The following ELK4 variants were observed in gnomAD, a reference collection of about 807,000 sequenced individuals.
The protein encoded by ELK4 is ETS domain-containing protein Elk-4.
A neutral mutation model predicts 29.6 loss-of-function variants in ELK4; 16 were observed. The ratio of observed to expected loss-of-function variants is 0.54; its 90% confidence interval spans 0.37 to 0.82. The LOEUF (loss-of-function observed/expected upper bound fraction) is 0.82, where lower values mean the gene tolerates loss of function less well. ELK4 is among the 40% of genes least tolerant of loss of function. ELK4 has a pLI of 0.00. For synonymous variants in ELK4, 213 were observed against 191.1 expected (o/e 1.11, Z -0.95); for missense variants, 465 against 507.1 (o/e 0.92, Z 0.80).
At chr1:205,631,202 G>C (rs113121169) in intron 1 of ELK4, among the ~76,000 whole-genome samples, 15 of 152,382 alleles carry the variant, frequency 9.8e-5, no homozygotes, top group African/African-American at 3.6e-4. Flanking sequence ...CGAGCTAGGG[G>C]AGAGGAAGAA....
chr1:205,619,433 G>A (rs1670289387), intron 3 of ELK4: 1 of 1,061,228 alleles, frequency 9.4e-7, no homozygotes, highest in Admixed American at 5.4e-5. Flanking sequence ...CCTGAATTCA[G>A]GTACAGAGGA....
In ELK4 at chr1:205,612,301, G is replaced by T; in HGVS notation, c.*4245C>A. The T allele has an allele frequency of 4.8e-6, 1 of 209,250 alleles. No homozygotes were observed. 13.0% of individuals were successfully genotyped at this position (209,250 alleles called of 1,614,324 possible). ...GGAGATTAGAATGAGAATATCCTGA[G>T]TCAGCAGTCTTTAGGAAAAGCGTGT... On this transcript the variant is annotated 3_prime_UTR_variant, in exon 5 of 5. Transcript: ENST00000357992.
intron 1 of ELK4, among the ~76,000 whole-genome samples, chr1:205,624,492 T>C (rs1452134085): frequency 6.6e-6 from 1 of 152,228 alleles, no homozygotes; most frequent in Admixed American, 6.5e-5. Context: ...TTGGCAGCAT[T>C]TTGAATTCAG....
Position 205,613,977 on chromosome 1 carries a change from C to T in ELK4, c.*2569G>A. 1 of 222,938 alleles carries T rather than the reference C, an allele frequency of 4.5e-6. No homozygotes were observed. The highest frequency in any genetic ancestry group is 5.7e-5 in the Admixed American group (1 of 17,420). 13.8% of individuals were successfully genotyped at this position (222,938 alleles called of 1,614,324 possible). ...ACAGAATATGAAGCTGAGACTTTTC[C>T]AGGAAGGAGGTAGTCTATAAACAGA... is the stretch of plus-strand genomic sequence containing the variant. On this transcript the variant is annotated 3_prime_UTR_variant, in exon 5 of 5. Transcript: ENST00000357992.
chr1:205,614,179 T>G lies in ELK4; in HGVS notation c.*2367A>C. On this transcript the variant is annotated 3_prime_UTR_variant, in exon 5 of 5. Coordinates refer to ENST00000357992, the MANE Select transcript of ELK4 (RefSeq NM_001973.4). ...GCAAAAAGGACTCACTAAAATGGTT[T>G]ACTAGGAAGTTGCTTCAACTGAGTT... 1 of 220,850 alleles carries G rather than the reference T, an allele frequency of 4.5e-6. No individual in the cohort carries two copies. 13.7% of individuals were successfully genotyped at this position (220,850 alleles called of 1,614,324 possible). A position where few individuals can be genotyped will look rare whatever the true frequency, so the allele number is the denominator to read the frequency against.
intron 1 of ELK4, among the ~76,000 whole-genome samples, chr1:205,631,304 C>G (rs1443527826): frequency 6.6e-6 from 1 of 152,234 alleles, no homozygotes; most frequent in Non-Finnish European, 1.5e-5. Context: ...AATTACTGTA[C>G]TTTCATTTTC....
chr1:205,621,815 G>A (rs935859697), intron 2 of ELK4, among the ~76,000 whole-genome samples: 4 of 150,802 alleles, frequency 2.7e-5, no homozygotes, highest in African/African-American at 4.9e-5. Context: ...CACCGCGCCC[G>A]GCTGTGAAAA....
chr1:205,631,413 C>CAAGTT (rs1553244783), intron 1 of ELK4, among the ~76,000 whole-genome samples: 1 of 151,632 alleles, frequency 6.6e-6, no homozygotes, highest in African/African-American at 2.4e-5. Flanking sequence ...TTCGGGGGAC[C>CAAGTT]AAGAGGCGAC....
Position 205,614,568 on chromosome 1 carries a change from A to G in ELK4, c.*1978T>C, listed in dbSNP as rs190005318. The G allele has an allele frequency of 2.4e-4, 56 of 228,794 alleles. No individual in the cohort carries two copies. Among genetic ancestry groups the G allele is most frequent in the Middle Eastern group, 1.3e-3 (1 of 754 alleles). The allele number at this position is 228,794 out of a possible 1,614,324, so 14.2% of individuals were successfully genotyped here. A position where few individuals can be genotyped will look rare whatever the true frequency, so the allele number is the denominator to read the frequency against. ...TCAGGAACAGAACCTTCAACTGATA[A>G]CCACAAATGAACCAGTAACAAGTCT... On this transcript the variant is annotated 3_prime_UTR_variant, in exon 5 of 5. Coordinates refer to ENST00000357992, the MANE Select transcript of ELK4 (RefSeq NM_001973.4).
intron 1 of ELK4, chr1:205,625,703 G>A: frequency 5.3e-6 from 4 of 756,316 alleles, no homozygotes; most frequent in Non-Finnish European, 7.1e-6. Context: ...TTGTGAGATG[G>A]AGTCCCACTC....
At chr1:205,619,938 G>T in intron 3 of ELK4, 28 bp downstream of exon 3, 1 of 1,614,142 alleles carries the variant, frequency 6.2e-7, no homozygotes, top group Non-Finnish European at 8.5e-7. Context: ...GAAAGCAATG[G>T]TGACACCATA....
At chr1:205,628,005 G>A (rs1670500726) in intron 1 of ELK4, among the ~76,000 whole-genome samples, 1 of 152,126 alleles carries the variant, frequency 6.6e-6, no homozygotes, top group South Asian at 2.1e-4. Flanking sequence ...TGTCCATTAG[G>A]GAAACCACTT....
chr1:205,618,850 A>T, intron 4 of ELK4, 107 bp downstream of exon 4: 2 of 811,262 alleles, frequency 2.5e-6, no homozygotes, highest in Non-Finnish European at 3.9e-6. Flanking sequence ...AATATTCATT[A>T]AATAGAAGTT....
chr1:205,626,205 T>C, intron 1 of ELK4: 1 of 574,372 alleles, frequency 1.7e-6, no homozygotes, highest in East Asian at 3.5e-5. Context: ...AGAGGTGGCC[T>C]CCCTTTCTTG....
intron 1 of ELK4, among the ~76,000 whole-genome samples, chr1:205,630,805 T>G (rs1670567787): frequency 6.6e-6 from 1 of 152,114 alleles, no homozygotes; most frequent in Admixed American, 6.5e-5. Context: ...CTGCCAAACC[T>G]AAATATTGAA....
intron 2 of ELK4, among the ~76,000 whole-genome samples, chr1:205,621,773 C>A (rs1455312455): frequency 6.6e-6 from 1 of 152,144 alleles, no homozygotes; most frequent in East Asian, 2.0e-4. Context: ...CCCACCCCGG[C>A]CTCCCAAAGT....
At position 205,620,587 on chromosome 1, in the gene ELK4, G is replaced by A. The variant is rs1370863928; in HGVS notation, c.459C>T (p.Asn153=). Residue 153 remains asparagine, a synonymous_variant, in exon 3 of 5, where the codon AAC becomes AAT. Transcript: ENST00000357992. ...HSGLYSSFTL[N]SLNSSNVKLF... is the part of the protein sequence containing the mutation. ...GCTTTACATTGGAGGAGTTCAAAGA[G>A]TTGAGAGTAAATGAAGAATATAAGC... 5 of 1,614,202 alleles carry A rather than the reference G, an allele frequency of 3.1e-6. No individual in the cohort carries two copies. The African/African-American group carries it at 5.3e-5, about 17-fold the overall frequency.
At chr1:205,625,814 G>T (rs1670443525) in intron 1 of ELK4, 2 of 618,818 alleles carry the variant, frequency 3.2e-6, no homozygotes, top group East Asian at 2.8e-5. Flanking sequence ...GAGTAGCTGG[G>T]ATTATAGGTG....
chr1:205,625,523 G>A (rs753607956), intron 1 of ELK4: 64 of 758,620 alleles, frequency 8.4e-5, no homozygotes, highest in African/African-American at 1.9e-4. Context: ...TTCAAGAAAC[G>A]GGCGGCTCCG....
Sources: gnomAD v4.1 joint callset for allele counts (sites outside exome capture counted in the v4.1 genomes callset) on GRCh38, gnomAD v4.1.1 for gene constraint, MANE v1.5 for transcripts, NCBI Gene and HGNC (gene_info 2026-07-23, HGNC 2026-07-21) for gene names.